Variants in MED13L observed in about 807,000 individuals in gnomAD.
The protein encoded by MED13L is mediator of RNA polymerase II transcription subunit 13-like.
MED13L carries 7 observed loss-of-function variants against 220.9 expected under a neutral mutation model. That is an observed-to-expected ratio of 0.03 (90% CI 0.02 to 0.06). The LOEUF (loss-of-function observed/expected upper bound fraction) is 0.06. Among genes scored for constraint, MED13L ranks in the 10% least tolerant of loss-of-function variants. MED13L has a pLI of 1.00. For missense variants in MED13L, 1,965 were observed against 2,760.5 expected (o/e 0.71, Z 6.46); for synonymous variants, 1,011 against 1,015.2 (o/e 1.00, Z 0.08).
intron 4 of MED13L, among the ~76,000 whole-genome samples, chr12:116,072,358 G>A (rs756668280): frequency 2.0e-5 from 3 of 152,186 alleles, no homozygotes; most frequent in South Asian, 2.1e-4. Context: ...AAATATTCAC[G>A]TGCCTGCTAT....
At chr12:116,053,078 G>A (rs553933664) in intron 4 of MED13L, among the ~76,000 whole-genome samples, 4 of 152,044 alleles carry the variant, frequency 2.6e-5, no homozygotes, top group East Asian at 1.9e-4. Flanking sequence ...AAAGATTTAC[G>A]GAAAACATTT....
rs376278857 is a variant in MED13L, at chr12:116,033,091, A to T, written c.480-10490T>A. Among the ~76,000 whole-genome samples the T allele has an allele frequency of 4.9e-3, 541 of 109,982 alleles. 7 individuals are homozygous for T. Among genetic ancestry groups the T allele is most frequent in the African/African-American group, 0.013 (444 of 35,070 alleles). 72.2% of individuals were successfully genotyped at this position (109,982 alleles called of 152,430 possible). On this transcript the variant is annotated intron_variant, in intron 4 of 30. Transcript: ENST00000281928. ...GAGTTTGATTGGGTTTTGTTTTTTTAAAAAAAAACACATTCAAGAATATAA... is the reference window on the plus strand; with the variant it reads ...GAGTTTGATTGGGTTTTGTTTTTTTTAAAAAAAACACATTCAAGAATATAA...
At chr12:116,197,947 A>G (rs983884921) in intron 2 of MED13L, among the ~76,000 whole-genome samples, 3 of 152,220 alleles carry the variant, frequency 2.0e-5, no homozygotes, top group Non-Finnish European at 4.4e-5. Context: ...TAACATGTTC[A>G]TATAAAAGCA....
chr12:116,200,468 T>A (rs1256258489), intron 2 of MED13L, among the ~76,000 whole-genome samples: 1 of 152,208 alleles, frequency 6.6e-6, no homozygotes, highest in Non-Finnish European at 1.5e-5. Context: ...AGAAAAATAA[T>A]CTTTCCTTTC....
intron 4 of MED13L, among the ~76,000 whole-genome samples, chr12:116,034,116 CAGAAT>C (rs1173696323): frequency 6.6e-6 from 1 of 152,032 alleles, no homozygotes; most frequent in African/African-American, 2.4e-5. Flanking sequence ...TTTAAAGCCC[CAGAAT>C]AGACTAAAAT....
At chr12:116,232,856 G>A (rs879344976) in intron 2 of MED13L, among the ~76,000 whole-genome samples, 1 of 152,182 alleles carries the variant, frequency 6.6e-6, no homozygotes, top group Admixed American at 6.5e-5. Flanking sequence ...GGAGGCCGAG[G>A]CGGGCGGATC....
At chr12:116,045,971 G>A (rs1440259008) in intron 4 of MED13L, among the ~76,000 whole-genome samples, 1 of 151,990 alleles carries the variant, frequency 6.6e-6, no homozygotes, top group Non-Finnish European at 1.5e-5. Flanking sequence ...CATGCATGAA[G>A]TGACATTTCT....
chr12:116,104,510 C>A (rs1192197666), intron 3 of MED13L, among the ~76,000 whole-genome samples: 1 of 152,144 alleles, frequency 6.6e-6, no homozygotes, highest in African/African-American at 2.4e-5. Context: ...CAGCTCTGGG[C>A]CAAAGGCAAT....
rs118095172 is a variant in MED13L at position 115,989,949 on chromosome 12, T to C, written c.3934+1071A>G. Among the ~76,000 whole-genome samples, 815 of 152,336 alleles carry C rather than the reference T, an allele frequency of 5.4e-3. 5 individuals carry two copies. The highest frequency in any genetic ancestry group is 0.01 in the Middle Eastern group (3 of 294). On this transcript the variant is annotated intron_variant, in intron 17 of 30. Transcript: ENST00000281928. ...AGTGCACATTGTTATTTTTCCTTTT[T>C]AACTACACAAATCTGACATCAGTGC...
At chr12:116,029,688 T>C (rs867992882) in intron 4 of MED13L, among the ~76,000 whole-genome samples, 2 of 152,182 alleles carry the variant, frequency 1.3e-5, no homozygotes, top group Middle Eastern at 3.4e-3. Context: ...AGAAAAGTAA[T>C]CAATCATGAA....
intron 4 of MED13L, among the ~76,000 whole-genome samples, chr12:116,037,900 T>C (rs986609002): frequency 3.3e-5 from 5 of 152,066 alleles, no homozygotes; most frequent in African/African-American, 1.2e-4. Context: ...GATGCCAAAA[T>C]AGATATAAGA....
intron 2 of MED13L, among the ~76,000 whole-genome samples, chr12:116,231,663 T>G (rs1239714408): frequency 6.6e-6 from 1 of 152,136 alleles, no homozygotes; most frequent in East Asian, 1.9e-4. Context: ...TTTAATTATA[T>G]CGATATTAAA....
intron 4 of MED13L, among the ~76,000 whole-genome samples, chr12:116,039,878 C>T (rs1055440844): frequency 2.0e-5 from 3 of 151,994 alleles, no homozygotes; most frequent in African/African-American, 7.3e-5. Context: ...GAGGTCGGGG[C>T]GAGATACCAC....
chr12:116,052,799 G>T (rs1191821325), intron 4 of MED13L, among the ~76,000 whole-genome samples: 1 of 152,160 alleles, frequency 6.6e-6, no homozygotes, highest in Non-Finnish European at 1.5e-5. Context: ...TGGGTGCCTA[G>T]AAGATGCTAA....
intron 11 of MED13L, 148 bp downstream of exon 11, chr12:116,007,263 T>C (rs1033223405): frequency 7.9e-6 from 6 of 758,844 alleles, no homozygotes; most frequent in Admixed American, 2.0e-5. Flanking sequence ...CGCTGTTCAA[T>C]ACAATAGTAC....
chr12:116,192,553 T>C (rs1294232359), intron 2 of MED13L, among the ~76,000 whole-genome samples: 2 of 152,184 alleles, frequency 1.3e-5, no homozygotes. Context: ...ATTCTAGGGA[T>C]GCAGTGCATC....
At position 116,171,704 on chromosome 12, in the gene MED13L, A is replaced by G. The variant is rs184478156; in HGVS notation, c.311-60192T>C. Among the ~76,000 whole-genome samples, 9 of 152,334 alleles carry G rather than the reference A, an allele frequency of 5.9e-5. No individual in the cohort carries two copies. The East Asian group carries it at 1.2e-3, about 20-fold the overall frequency. ...AACCATTAATTTTCCTGATCTGGGT[A>G]CAATCCTTCTGTAACATAGCCTCGA... is the stretch of plus-strand genomic sequence containing the variant. On this transcript the variant is annotated intron_variant, in intron 2 of 30. Transcript: ENST00000281928.
At chr12:116,002,412 G>C (rs1291846473) in intron 14 of MED13L, among the ~76,000 whole-genome samples, 1 of 152,264 alleles carries the variant, frequency 6.6e-6, no homozygotes, top group African/African-American at 2.4e-5. Flanking sequence ...TTATGTTTCT[G>C]CTTCAGAGTA....
At chr12:116,005,811 T>C (rs1402406882) in intron 13 of MED13L, 58 bp downstream of exon 13, 1 of 1,598,850 alleles carries the variant, frequency 6.3e-7, no homozygotes, top group East Asian at 2.2e-5. Flanking sequence ...ACTACAACAC[T>C]GATATAAAGT....
Sources: gnomAD v4.1 joint callset for allele counts (sites outside exome capture counted in the v4.1 genomes callset) on GRCh38, gnomAD v4.1.1 for gene constraint, MANE v1.5 for transcripts, NCBI Gene and HGNC (gene_info 2026-07-23, HGNC 2026-07-21) for gene names.